The following FANCC variants were observed in gnomAD, a reference collection of about 807,000 sequenced individuals.
FANCC encodes Fanconi anemia group C protein.
In FANCC, 55 loss-of-function variants were observed where a neutral mutation model predicts 71.3. That is an observed-to-expected ratio of 0.77 (90% CI 0.62 to 0.97). The LOEUF (loss-of-function observed/expected upper bound fraction) is 0.97, where lower values mean the gene tolerates loss of function less well. Among genes scored for constraint, FANCC ranks in the 50% least tolerant of loss-of-function variants. The probability of loss-of-function intolerance (pLI) is 0.00; values close to 1 mark genes in which losing one functional copy is unlikely to be tolerated. For synonymous variants in FANCC, 275 were observed against 244.9 expected, an observed-to-expected ratio of 1.12 and a Z score of -1.15; for missense variants, 678 against 670.9, an observed-to-expected ratio of 1.01 and a Z score of -0.12.
intron 4 of FANCC, among the ~76,000 whole-genome samples, chr9:95,193,926 G>C (rs1827257768): frequency 6.6e-6 from 1 of 152,184 alleles, no homozygotes; most frequent in Non-Finnish European, 1.5e-5. Context: ...CCAGGAACCA[G>C]GAGGACAGTG....
intron 1 of FANCC, among the ~76,000 whole-genome samples, chr9:95,290,160 G>GA (rs1833921288): frequency 6.6e-6 from 1 of 152,170 alleles, no homozygotes. Context: ...AGCAGTGGAA[G>GA]GGTAATTGAC....
chr9:95,101,599 C>G lies in FANCC; in HGVS notation c.*108G>C. 1 of 1,353,584 alleles carries G rather than the reference C, an allele frequency of 7.4e-7. No homozygotes were observed. Among genetic ancestry groups the G allele is most frequent in the Non-Finnish European group, 1.0e-6 (1 of 967,624 alleles). The allele number at this position is 1,353,584 out of a possible 1,614,324, so 83.8% of individuals were successfully genotyped here. A position where few individuals can be genotyped will look rare whatever the true frequency, so the allele number is the denominator to read the frequency against. ...ATGTGTACAGCTCATTCTCACAGCC[C>G]AGCGAGGGCACTTACTCCACAAATG... On this transcript the variant is annotated 3_prime_UTR_variant, in exon 15 of 15. Transcript: ENST00000289081.
chr9:95,170,370 T>A lies in FANCC; in HGVS notation c.521+709A>T, dbSNP rs1825585143. 2.1e-5 allele frequency among the ~76,000 whole-genome samples: 3 copies of A among 145,028 alleles called. No homozygotes were observed. The Admixed American group carries it at 2.1e-4, about 10-fold the overall frequency. Reference sequence around the variant, plus strand: ...GGTTGAGGACAAAGACAATTTCTGATAGAGCTTGAATTAGCAATAGCTTTA... The same window carrying A: ...GGTTGAGGACAAAGACAATTTCTGAAAGAGCTTGAATTAGCAATAGCTTTA... On this transcript the variant is annotated intron_variant, in intron 6 of 14. Coordinates refer to ENST00000289081, the MANE Select transcript of FANCC (RefSeq NM_000136.3).
At chr9:95,187,068 T>C (rs2061570019) in intron 4 of FANCC, among the ~76,000 whole-genome samples, 1 of 152,138 alleles carries the variant, frequency 6.6e-6, no homozygotes, top group African/African-American at 2.4e-5. Context: ...CCACCGTGCC[T>C]GGCCTTAGGA....
intron 1 of FANCC, among the ~76,000 whole-genome samples, chr9:95,310,500 C>T (rs889860457): frequency 6.6e-6 from 1 of 152,196 alleles, no homozygotes; most frequent in East Asian, 1.9e-4. Flanking sequence ...TTAGCCATTA[C>T]AGAAGTCACA....
At chr9:95,204,998 CAGAAT>C (rs1157102866) in intron 4 of FANCC, among the ~76,000 whole-genome samples, 1 of 152,182 alleles carries the variant, frequency 6.6e-6, no homozygotes, top group African/African-American at 2.4e-5. Flanking sequence ...CAAGAAGCAT[CAGAAT>C]AGAGAATTAG....
chr9:95,235,084 GTCAAGTTGATAC>G (rs1207850328), intron 4 of FANCC, among the ~76,000 whole-genome samples: 4 of 152,234 alleles, frequency 2.6e-5, no homozygotes, highest in Non-Finnish European at 5.9e-5. Flanking sequence ...CTTGTGTCCA[GTCAAGTTGATAC>G]TAAGATTAAT....
intron 7 of FANCC, among the ~76,000 whole-genome samples, chr9:95,139,472 C>A (rs1460654428): frequency 2.0e-5 from 3 of 152,134 alleles, no homozygotes; most frequent in African/African-American, 7.2e-5. Flanking sequence ...TTACTGCAAT[C>A]CTTATATATG....
intron 8 of FANCC, among the ~76,000 whole-genome samples, chr9:95,129,427 C>G (rs1050455060): frequency 6.6e-6 from 1 of 151,950 alleles, no homozygotes; most frequent in African/African-American, 2.4e-5. Flanking sequence ...TATCTTCCCC[C>G]CTAAATCTCT....
intron 3 of FANCC, among the ~76,000 whole-genome samples, chr9:95,246,007 T>C (rs975468025): frequency 1.3e-5 from 2 of 152,150 alleles, no homozygotes; most frequent in African/African-American, 4.8e-5. Context: ...GGGGGTGCCA[T>C]TGTATGCATT....
At chr9:95,157,629 G>C (rs901609798) in intron 6 of FANCC, among the ~76,000 whole-genome samples, 1 of 152,194 alleles carries the variant, frequency 6.6e-6, no homozygotes, top group Admixed American at 6.5e-5. Flanking sequence ...CTGGCAACCA[G>C]TCAAGACCTA....
At chr9:95,122,978 A>C (rs1337144602) in intron 10 of FANCC, among the ~76,000 whole-genome samples, 1 of 152,174 alleles carries the variant, frequency 6.6e-6, no homozygotes, top group African/African-American at 2.4e-5. Context: ...TTCTCCAGGG[A>C]AAGTGAGGGT....
chr9:95,291,910 T>C (rs1457701061), intron 1 of FANCC, among the ~76,000 whole-genome samples: 2 of 121,690 alleles, frequency 1.6e-5, no homozygotes, highest in African/African-American at 6.4e-5. Context: ...ATCGCGCCAC[T>C]CCACTCCAGC....
intron 4 of FANCC, among the ~76,000 whole-genome samples, chr9:95,175,771 C>T (rs1026804590): frequency 3.9e-5 from 6 of 152,256 alleles, no homozygotes; most frequent in African/African-American, 1.4e-4. Context: ...CAGGATGGAG[C>T]CTGAATCCCC....
chr9:95,247,355 G>T, intron 3 of FANCC, 77 bp downstream of exon 3: 1 of 1,064,616 alleles, frequency 9.4e-7, no homozygotes. Flanking sequence ...TAGGAGAAAG[G>T]TTCATAATGT....
chr9:95,228,834 T>C (rs148718966), intron 4 of FANCC, among the ~76,000 whole-genome samples: 2 of 151,500 alleles, frequency 1.3e-5, no homozygotes, highest in Non-Finnish European at 2.9e-5. Flanking sequence ...TGGGCACACA[T>C]GGGGAATAGT....
intron 4 of FANCC, among the ~76,000 whole-genome samples, chr9:95,176,847 C>T (rs1347650031): frequency 6.6e-6 from 1 of 152,224 alleles, no homozygotes; most frequent in Non-Finnish European, 1.5e-5. Context: ...AGATGTTAAA[C>T]AAAACCATGC....
intron 4 of FANCC, among the ~76,000 whole-genome samples, chr9:95,233,815 A>G (rs1397567250): frequency 6.6e-6 from 1 of 152,234 alleles, no homozygotes. Context: ...GAAGAAATCA[A>G]GCTTTATTAA....
At chr9:95,172,221 A>C (rs952293390) in intron 4 of FANCC, 74 bp from the exon 5 acceptor site, 3 of 923,928 alleles carry the variant, frequency 3.2e-6, no homozygotes, top group Non-Finnish European at 5.2e-6. Context: ...AATGCCTACA[A>C]TTTATTTGTA....
Sources: allele counts gnomAD v4.1 joint callset (sites outside exome capture counted in the v4.1 genomes callset), GRCh38; gene constraint gnomAD v4.1.1; transcripts MANE v1.5; gene names NCBI Gene and HGNC (gene_info 2026-07-23, HGNC 2026-07-21).